FZD3: variants seen among roughly 807,000 people sequenced by gnomAD.
FZD3 encodes the protein frizzled class receptor 3.
FZD3 carries 30 observed loss-of-function variants against 60.7 expected under a neutral mutation model. The observed-to-expected ratio is 0.49, with a 90% confidence interval of 0.37 to 0.67. The LOEUF (loss-of-function observed/expected upper bound fraction) is 0.67, where lower values mean the gene tolerates loss of function less well. Among genes scored for constraint, FZD3 ranks in the 30% least tolerant of loss-of-function variants. FZD3 has a pLI of 0.00. For synonymous variants in FZD3, 246 were observed against 275.2 expected (o/e 0.89, Z 1.05); for missense variants, 605 against 838.7 (o/e 0.72, Z 3.44).
Position 28,568,049 on chromosome 8 carries a change from T to G in FZD3, c.*5038T>G, listed in dbSNP as rs1805736135. 1 of 152,196 alleles carries G rather than the reference T, an allele frequency of 6.6e-6. No homozygotes were observed. Among genetic ancestry groups the G allele is most frequent in the South Asian group, 2.1e-4 (1 of 4,834 alleles). 9.4% of individuals were successfully genotyped at this position (152,196 alleles called of 1,614,324 possible). On this transcript the variant is annotated 3_prime_UTR_variant, in exon 8 of 8. Transcript: ENST00000240093. ...TTCATTGTGGCAAAACTTTAAATTT[T>G]AAGTCATCACACTATGAGAATTGTT... is the stretch of plus-strand genomic sequence containing the variant.
chr8:28,557,683 A>G (rs1285907650), intron 7 of FZD3, among the ~76,000 whole-genome samples: 1 of 152,112 alleles, frequency 6.6e-6, no homozygotes, highest in African/African-American at 2.4e-5. Flanking sequence ...TTGAAAGTGT[A>G]GTCTTTTTCT....
At chr8:28,520,408 A>G (rs1804546913) in intron 3 of FZD3, among the ~76,000 whole-genome samples, 1 of 152,056 alleles carries the variant, frequency 6.6e-6, no homozygotes, top group South Asian at 2.1e-4. Flanking sequence ...CACCTGTAAT[A>G]CCTAAACTAT....
intron 2 of FZD3, among the ~76,000 whole-genome samples, chr8:28,501,835 G>A (rs910629709): frequency 7.2e-5 from 11 of 152,102 alleles, no homozygotes; most frequent in African/African-American, 2.7e-4. Context: ...TGTAATGACC[G>A]TTCGTTGATG....
At chr8:28,522,947 T>C (rs1156543356) in intron 4 of FZD3, among the ~76,000 whole-genome samples, 3 of 151,942 alleles carry the variant, frequency 2.0e-5, no homozygotes. Flanking sequence ...TTTTTGCATT[T>C]TTGGTAGAGA....
chr8:28,550,969 T>G (rs952134547), intron 5 of FZD3, among the ~76,000 whole-genome samples: 1 of 152,182 alleles, frequency 6.6e-6, no homozygotes, highest in Admixed American at 6.5e-5. Context: ...TTCACATTAC[T>G]CTTTTAAGAA....
At chr8:28,521,124 TG>T (rs780774687) in intron 4 of FZD3, among the ~76,000 whole-genome samples, 17 of 152,156 alleles carry the variant, frequency 1.1e-4, no homozygotes, top group Non-Finnish European at 2.2e-4. Context: ...ATGAAAATAG[TG>T]CTATTTGTGA....
rs1330496675 is a variant in FZD3, at chr8:28,572,825, G to A, written c.*9814G>A. The A allele has an allele frequency of 6.6e-6, 1 of 152,006 alleles. No individual in the cohort carries two copies. The highest frequency in any genetic ancestry group is 1.5e-5 in the Non-Finnish European group (1 of 67,972). The allele number at this position is 152,006 out of a possible 1,614,324, so 9.4% of individuals were successfully genotyped here. On this transcript the variant is annotated 3_prime_UTR_variant, in exon 8 of 8. Transcript: ENST00000240093. ...ATTTCATTATAAAAGTATATGAGTT[G>A]AAGATCATATAAAAAATATGAAACT...
At chr8:28,501,446 G>A (rs1803990623) in intron 2 of FZD3, among the ~76,000 whole-genome samples, 1 of 152,294 alleles carries the variant, frequency 6.6e-6, no homozygotes, top group Middle Eastern at 3.4e-3. Flanking sequence ...ATAGGTGCTA[G>A]TATTTAAGTT....
chr8:28,547,608 T>C (rs1805324604), intron 5 of FZD3, among the ~76,000 whole-genome samples: 1 of 152,232 alleles, frequency 6.6e-6, no homozygotes, highest in South Asian at 2.1e-4. Context: ...CAGCATATAA[T>C]TTAACTATGA....
chr8:28,518,591 G>A (rs1212221264), intron 3 of FZD3, among the ~76,000 whole-genome samples: 1 of 152,170 alleles, frequency 6.6e-6, no homozygotes, highest in East Asian at 1.9e-4. Context: ...TAGCTTCTTA[G>A]CTTCCTTCCC....
In FZD3 at chr8:28,503,130, G is replaced by A. The variant is rs1804041615; in HGVS notation, c.117G>A (p.Leu39=). The A allele has an allele frequency of 6.2e-7, 1 of 1,613,342 alleles. No individual in the cohort carries two copies. The highest frequency in any genetic ancestry group is 1.1e-5 in the South Asian group (1 of 91,072). The change falls in exon 3 of 8, where the codon TTG becomes TTA. Residue 39 remains leucine (L), a synonymous_variant. Coordinates refer to ENST00000240093, the MANE Select transcript of FZD3 (RefSeq NM_017412.4). ...EPITLRMCQD[L]PYNTTFMPNL... is the part of the protein sequence containing the mutation. ...TTACCTTGAGGATGTGCCAAGATTTGCCTTATAATACTACCTTCATGCCTA... is the reference window on the plus strand; with the variant it reads ...TTACCTTGAGGATGTGCCAAGATTTACCTTATAATACTACCTTCATGCCTA...
At chr8:28,546,300 GTGATAT>G (rs1805291255) in intron 5 of FZD3, among the ~76,000 whole-genome samples, 3 of 152,230 alleles carry the variant, frequency 2.0e-5, no homozygotes, top group Admixed American at 2.0e-4. Flanking sequence ...TCCACCTTCA[GTGATAT>G]CACACTGGTT....
intron 3 of FZD3, among the ~76,000 whole-genome samples, 197 bp downstream of exon 3, chr8:28,503,399 CTT>C (rs1219059115): frequency 6.6e-6 from 1 of 152,112 alleles, no homozygotes; most frequent in Non-Finnish European, 1.5e-5. Context: ...GAATGTTACT[CTT>C]ATATTTTAGA....
At chr8:28,530,150 G>A (rs1453623042) in intron 5 of FZD3, among the ~76,000 whole-genome samples, 1 of 145,396 alleles carries the variant, frequency 6.9e-6, no homozygotes, top group Non-Finnish European at 1.5e-5. Flanking sequence ...TGTTGGGGGG[G>A]ATTAATAGTG....
In FZD3 at chr8:28,566,095, A is replaced by G. The variant is rs560078411; in HGVS notation, c.*3084A>G. 2 of 152,276 alleles carry G rather than the reference A, an allele frequency of 1.3e-5. No homozygotes were observed. Among genetic ancestry groups the G allele is most frequent in the East Asian group, 3.9e-4 (2 of 5,194 alleles). 9.4% of individuals were successfully genotyped at this position (152,276 alleles called of 1,614,324 possible). On this transcript the variant is annotated 3_prime_UTR_variant, in exon 8 of 8. Coordinates refer to ENST00000240093, the MANE Select transcript of FZD3 (RefSeq NM_017412.4). ...ACAGGGATTCATACACAGTTTTTCA[A>G]TAAATATTTAAATGAACAATTCATG...
chr8:28,533,398 A>G (rs1335406597), intron 5 of FZD3, among the ~76,000 whole-genome samples: 1 of 152,096 alleles, frequency 6.6e-6, no homozygotes, highest in Non-Finnish European at 1.5e-5. Context: ...TTTCTTTAGA[A>G]TTACTTTGTT....
At position 28,573,917 on chromosome 8, in the gene FZD3, A is replaced by C. The variant is rs942069893; in HGVS notation, c.*10906A>C. On this transcript the variant is annotated 3_prime_UTR_variant, in exon 8 of 8. Transcript: ENST00000240093. Reference sequence around the variant, plus strand: ...TTATCATATAAACATCTAATTAGAAAGTGTTTATGCTAAAGACTTGTATTT... The same window carrying C: ...TTATCATATAAACATCTAATTAGAACGTGTTTATGCTAAAGACTTGTATTT... The C allele has an allele frequency of 3.3e-5, 5 of 152,306 alleles. No homozygotes were observed. The South Asian group carries it at 8.3e-4, about 25-fold the overall frequency. 9.4% of individuals were successfully genotyped at this position (152,306 alleles called of 1,614,324 possible).
chr8:28,552,558 A>G lies in FZD3; in HGVS notation c.1553+807A>G, dbSNP rs375262591. 1.6e-4 allele frequency among the ~76,000 whole-genome samples: 24 copies of G among 152,268 alleles called. 1 individual carries two copies. The highest frequency in any genetic ancestry group is 4.8e-4 in the African/African-American group (20 of 41,550). ...CACAAACTCTAAGTTAGTGGATTCT[A>G]TATTTCTTATGATTTTACTTAATCT... On this transcript the variant is annotated intron_variant, in intron 6 of 7. Coordinates refer to ENST00000240093, the MANE Select transcript of FZD3 (RefSeq NM_017412.4).
chr8:28,513,084 C>T (rs544361824), intron 3 of FZD3, among the ~76,000 whole-genome samples: 1 of 152,106 alleles, frequency 6.6e-6, no homozygotes, highest in African/African-American at 2.4e-5. Flanking sequence ...GAGGAGAAAC[C>T]AGCCAGGAAT....
Sources: gnomAD v4.1 joint callset for allele counts (sites outside exome capture counted in the v4.1 genomes callset) on GRCh38, gnomAD v4.1.1 for gene constraint, MANE v1.5 for transcripts, NCBI Gene and HGNC (gene_info 2026-07-23, HGNC 2026-07-21) for gene names.